The following VAX2 variants were observed in gnomAD, a reference collection of about 807,000 sequenced individuals.
VAX2 encodes ventral anterior homeobox 2.
In VAX2, 8 loss-of-function variants were observed where a neutral mutation model predicts 12.5. The ratio of observed to expected loss-of-function variants is 0.64; its 90% CI spans 0.37 to 1.15. The LOEUF is 1.15. Ranked by LOEUF, VAX2 falls within the 50% of genes most tolerant of loss-of-function variation. The pLI, the probability that VAX2 is intolerant of heterozygous loss-of-function variation, is 0.01. For synonymous variants in VAX2, 183 were observed against 187.6 expected (o/e 0.98, Z 0.20); for missense variants, 476 against 412.9 (o/e 1.15, Z -1.32).
chr2:70,901,794 G>A (rs1324125294), intron 1 of VAX2, among the ~76,000 whole-genome samples: 2 of 152,208 alleles, frequency 1.3e-5, no homozygotes, highest in Non-Finnish European at 2.9e-5. Flanking sequence ...CCCTCAGCCC[G>A]ACCCCAGGCC....
At chr2:70,927,726 G>A (rs891539316) in intron 2 of VAX2, among the ~76,000 whole-genome samples, 2 of 152,048 alleles carry the variant, frequency 1.3e-5, no homozygotes, top group African/African-American at 2.4e-5. Flanking sequence ...CCTGGTGCGC[G>A]GCCATGGATC....
chr2:70,920,343 C>T (rs546725163), intron 1 of VAX2, among the ~76,000 whole-genome samples: 2 of 152,254 alleles, frequency 1.3e-5, no homozygotes, highest in Admixed American at 1.3e-4. Flanking sequence ...GTGTGGGGAA[C>T]GTGGGCTCCA....
chr2:70,912,890 C>T (rs1397546539), intron 1 of VAX2, among the ~76,000 whole-genome samples: 1 of 146,150 alleles, frequency 6.8e-6, no homozygotes, highest in Admixed American at 6.6e-5. Flanking sequence ...ACCCTCAGAG[C>T]TCACTGCTCT....
chr2:70,931,568 C>T (rs116728056), intron 2 of VAX2, among the ~76,000 whole-genome samples: 294 of 152,382 alleles, frequency 1.9e-3, no homozygotes, highest in East Asian at 3.3e-3. Context: ...CCCCTCCCTA[C>T]GGAATGAGGA....
At chr2:70,926,389 G>A (rs1044520580) in intron 2 of VAX2, among the ~76,000 whole-genome samples, 2 of 152,234 alleles carry the variant, frequency 1.3e-5, no homozygotes, top group East Asian at 1.9e-4. Flanking sequence ...TCAGCCCAAG[G>A]GTAGCATACA....
intron 2 of VAX2, among the ~76,000 whole-genome samples, chr2:70,931,301 C>T (rs1679689614): frequency 6.6e-6 from 1 of 152,226 alleles, no homozygotes; most frequent in Non-Finnish European, 1.5e-5. Flanking sequence ...ACTGTGGCAC[C>T]TCTTTGTCCT....
intron 1 of VAX2, among the ~76,000 whole-genome samples, chr2:70,903,280 G>A (rs1553410008): frequency 6.6e-6 from 1 of 152,208 alleles, no homozygotes; most frequent in Non-Finnish European, 1.5e-5. Flanking sequence ...AAAGGTAAAA[G>A]GGAGGCATTT....
intron 1 of VAX2, among the ~76,000 whole-genome samples, chr2:70,913,143 C>T (rs1257830492): frequency 1.3e-5 from 2 of 152,214 alleles, no homozygotes; most frequent in African/African-American, 2.4e-5. Context: ...TTATCACTCA[C>T]AGAAGTCCAT....
At chr2:70,912,225 T>G (rs1553411318) in intron 1 of VAX2, among the ~76,000 whole-genome samples, 1 of 152,254 alleles carries the variant, frequency 6.6e-6, no homozygotes, top group Non-Finnish European at 1.5e-5. Flanking sequence ...TATTCACTAC[T>G]ATTGTTTAAC....
chr2:70,922,281 G>A (rs980011908), intron 2 of VAX2, among the ~76,000 whole-genome samples: 2 of 152,242 alleles, frequency 1.3e-5, no homozygotes, highest in Middle Eastern at 3.2e-3. Context: ...TTGATAAAGT[G>A]GAGAGGAAGG....
At position 70,900,762 on chromosome 2, in the gene VAX2, C is replaced by T. The variant is rs1454416448; in HGVS notation, c.141C>T (p.Ala47=). 5 of 1,491,612 alleles carry T rather than the reference C, an allele frequency of 3.4e-6. No homozygotes were observed. The highest frequency in any genetic ancestry group is 2.2e-5 in the Admixed American group (1 of 45,784). 92.4% of individuals were successfully genotyped at this position (1,491,612 alleles called of 1,614,324 possible). A position where few individuals can be genotyped will look rare whatever the true frequency, so the allele number is the denominator to read the frequency against. ...DGGGHSPTEV[A]GTSASSPAGS... ...GTGGCCACAGCCCAACGGAGGTGGC[C>T]GGGACCTCAGCCTCCAGTCCCGCAG... Residue 47 remains alanine (A), a synonymous_variant, in exon 1 of 3, where the codon GCC becomes GCT. Transcript: ENST00000234392.
Position 70,932,784 on chromosome 2 carries a change from G to T in VAX2, c.453G>T (p.Gln151His), listed in dbSNP as rs1553414518. 1 of 1,568,110 alleles carries T rather than the reference G, an allele frequency of 6.4e-7. No individual in the cohort carries two copies. Among genetic ancestry groups the T allele is most frequent in the Non-Finnish European group, 8.7e-7 (1 of 1,155,456 alleles). The stretch of plus-strand genomic sequence containing the variant: ...ACCCCAAGGTGAAGGTCTGGTTCCA[G>T]AACCGCCGCACCAAGCAGAAGAAAG... ...LSETQVKVWF[Q>H]NRRTKQKKDQ... The change falls in exon 3 of 3, where the codon CAG becomes CAT. Residue 151 changes from glutamine (Q) to histidine (H), a missense_variant. Physicochemically the swap from Gln to His is conservative, Grantham distance 24 (BLOSUM62 0). Transcript: ENST00000234392.
At chr2:70,911,351 A>G (rs1398769622) in intron 1 of VAX2, among the ~76,000 whole-genome samples, 2 of 152,134 alleles carry the variant, frequency 1.3e-5, no homozygotes, top group African/African-American at 4.8e-5. Context: ...CAATTTTCCT[A>G]TTGATAAACA....
intron 2 of VAX2, among the ~76,000 whole-genome samples, chr2:70,929,422 C>T (rs1553413983): frequency 6.6e-6 from 1 of 152,222 alleles, no homozygotes; most frequent in African/African-American, 2.4e-5. Context: ...GGAGCGGTGG[C>T]TCATGCCTGT....
chr2:70,918,264 G>T (rs1553412318), intron 1 of VAX2, among the ~76,000 whole-genome samples: 1 of 152,212 alleles, frequency 6.6e-6, no homozygotes, highest in Non-Finnish European at 1.5e-5. Flanking sequence ...GACGGTGCTT[G>T]AGAACCTGTG....
chr2:70,905,508 C>G (rs2104757972), intron 1 of VAX2, among the ~76,000 whole-genome samples: 1 of 151,988 alleles, frequency 6.6e-6, no homozygotes, highest in African/African-American at 2.4e-5. Flanking sequence ...CTGAAGCAGA[C>G]CAGCAACCCG....
At chr2:70,931,672 C>T (rs921288727) in intron 2 of VAX2, among the ~76,000 whole-genome samples, 1 of 152,358 alleles carries the variant, frequency 6.6e-6, no homozygotes, top group Admixed American at 6.5e-5. Flanking sequence ...TTCAGAATTC[C>T]CCGCCAAATG....
At chr2:70,909,392 G>A (rs1307385773) in intron 1 of VAX2, among the ~76,000 whole-genome samples, 1 of 151,768 alleles carries the variant, frequency 6.6e-6, no homozygotes, top group East Asian at 1.9e-4. Flanking sequence ...AGTAGGGACA[G>A]GGTTTCACCA....
intron 1 of VAX2, among the ~76,000 whole-genome samples, chr2:70,914,373 C>T (rs1016794196): frequency 5.9e-5 from 9 of 152,108 alleles, no homozygotes; most frequent in Non-Finnish European, 8.8e-5. Flanking sequence ...CACTTGAACC[C>T]GGGAGGCGGA....
Sources: gnomAD v4.1 joint callset for allele counts (sites outside exome capture counted in the v4.1 genomes callset) on GRCh38, gnomAD v4.1.1 for gene constraint, MANE v1.5 for transcripts, NCBI Gene and HGNC (gene_info 2026-07-23, HGNC 2026-07-21) for gene names.